The following PRORP variants were observed in gnomAD, a reference collection of about 807,000 sequenced individuals.
The protein encoded by PRORP is protein only RNase P catalytic subunit, also known as mitochondrial ribonuclease P catalytic subunit.
PRORP carries 51 observed loss-of-function variants against 59.4 expected under a neutral mutation model. The observed-to-expected ratio is 0.86, with a 90% CI of 0.69 to 1.08. The LOEUF (loss-of-function observed/expected upper bound fraction) is 1.08, where lower values mean the gene tolerates loss of function less well. PRORP is among the 50% of genes least tolerant of loss of function. The pLI is 0.00. For missense variants in PRORP, 646 were observed against 690.3 expected (o/e 0.94, Z 0.72); for synonymous variants, 231 against 245.6 (o/e 0.94, Z 0.55).
Position 35,185,064 on chromosome 14 carries a change from GTAGTTCTGCT to G in PRORP, c.1275+4289_1275+4298del, listed in dbSNP as rs1289447577. ...AGTAATGGGATTGCTGGGTTGAATG[GTAGTTCTGCT>G]TTTAGCACTTTGAGAAATTGCCATA... On this transcript the variant is annotated intron_variant, in intron 5 of 7. Transcript: ENST00000534898. Among the ~76,000 whole-genome samples the G allele has an allele frequency of 2.6e-5, 4 of 152,240 alleles. No individual in the cohort carries two copies. In the East Asian group the frequency reaches 7.7e-4, roughly 29 times the overall value.
intron 5 of PRORP, among the ~76,000 whole-genome samples, chr14:35,250,069 G>A (rs539757822): frequency 3.9e-5 from 6 of 151,936 alleles, no homozygotes; most frequent in East Asian, 3.9e-4. Flanking sequence ...ACAACATGGC[G>A]AAACCCTGTC....
At position 35,275,605 on chromosome 14, in the gene PRORP, A is replaced by T. The variant is rs1424758960; in HGVS notation, c.*2039A>T. The T allele has an allele frequency of 1.3e-5, 2 of 152,226 alleles. No individual in the cohort carries two copies. Among genetic ancestry groups the T allele is most frequent in the Non-Finnish European group, 2.9e-5 (2 of 68,038 alleles). The allele number at this position is 152,226 out of a possible 1,614,324, so 9.4% of individuals were successfully genotyped here. On this transcript the variant is annotated 3_prime_UTR_variant, in exon 8 of 8. Transcript: ENST00000534898. ...TTTAAGAAAAACATTTTAAGAAGAC[A>T]AAAAGTATTTATTAAGCCCATCTAA...
chr14:35,256,182 G>A (rs2050749701), intron 5 of PRORP, among the ~76,000 whole-genome samples: 1 of 149,656 alleles, frequency 6.7e-6, no homozygotes. Flanking sequence ...TGCTCGGGAG[G>A]CTGAGGCAGG....
rs145424814 is a variant in PRORP, at chr14:35,169,435, C to T, written c.1168-11235C>T. ...ACACTGCTATAAAGAACTGCCTGAGCGTGGGTAAATTTACAAAGAAAAGAG... is the reference window on the plus strand; with the variant it reads ...ACACTGCTATAAAGAACTGCCTGAGTGTGGGTAAATTTACAAAGAAAAGAG... On this transcript the variant is annotated intron_variant, in intron 4 of 7. Transcript: ENST00000534898. Among the ~76,000 whole-genome samples, 1,075 of 142,208 alleles carry T rather than the reference C, an allele frequency of 7.6e-3. 36 individuals are homozygous for T. The highest frequency in any genetic ancestry group is 0.06 in the Admixed American group (844 of 14,018). 93.3% of individuals were successfully genotyped at this position (142,208 alleles called of 152,430 possible).
At chr14:35,266,480 C>T (rs2051044198) in intron 5 of PRORP, among the ~76,000 whole-genome samples, 1 of 151,846 alleles carries the variant, frequency 6.6e-6, no homozygotes, top group Non-Finnish European at 1.5e-5. Flanking sequence ...AGATCCTGTC[C>T]CACACACAAA....
At chr14:35,252,592 A>G (rs1239073535) in intron 5 of PRORP, among the ~76,000 whole-genome samples, 4 of 152,158 alleles carry the variant, frequency 2.6e-5, no homozygotes, top group Non-Finnish European at 4.4e-5. Flanking sequence ...GTGGTCTCCA[A>G]CCATGACTGG....
intron 4 of PRORP, among the ~76,000 whole-genome samples, chr14:35,165,505 G>A (rs1566469663): frequency 6.6e-6 from 1 of 152,120 alleles, no homozygotes. Flanking sequence ...TTTCTTAATA[G>A]CATTGTGATC....
At chr14:35,145,840 T>C (rs2047596517) in intron 4 of PRORP, among the ~76,000 whole-genome samples, 1 of 147,750 alleles carries the variant, frequency 6.8e-6, no homozygotes, top group Non-Finnish European at 1.5e-5. Flanking sequence ...TATTTTTTTA[T>C]TTTTTGAGAC....
chr14:35,131,974 G>C (rs1432000441), intron 4 of PRORP, among the ~76,000 whole-genome samples: 3 of 151,684 alleles, frequency 2.0e-5, no homozygotes, highest in African/African-American at 7.3e-5. Flanking sequence ...CAAGTAGCTG[G>C]GATTACAGGC....
At chr14:35,131,297 G>T (rs918489633) in intron 4 of PRORP, among the ~76,000 whole-genome samples, 1 of 152,102 alleles carries the variant, frequency 6.6e-6, no homozygotes, top group Non-Finnish European at 1.5e-5. Flanking sequence ...GATAGGTCTG[G>T]TGTTGATGTA....
intron 5 of PRORP, among the ~76,000 whole-genome samples, chr14:35,205,873 A>G (rs1315776989): frequency 6.6e-6 from 1 of 151,882 alleles, no homozygotes; most frequent in Non-Finnish European, 1.5e-5. Context: ...GTCTTCCCTA[A>G]TCTCCATGCT....
intron 5 of PRORP, among the ~76,000 whole-genome samples, chr14:35,246,475 C>T (rs928741237): frequency 6.6e-6 from 1 of 152,140 alleles, no homozygotes; most frequent in Non-Finnish European, 1.5e-5. Context: ...AAGTCTTACT[C>T]CTTTACTTCC....
rs560621507 is a variant in PRORP at position 35,141,251 on chromosome 14, TTTTG to T, written c.1167+13652_1167+13655del. 4.9e-5 allele frequency among the ~76,000 whole-genome samples: 7 copies of T among 144,244 alleles called. 1 individual carries two copies. Among genetic ancestry groups the T allele is most frequent in the Non-Finnish European group, 1.1e-4 (7 of 65,052 alleles). The allele number at this position is 144,244 out of a possible 152,430, so 94.6% of individuals were successfully genotyped here. A position where few individuals can be genotyped will look rare whatever the true frequency, so the allele number is the denominator to read the frequency against. On this transcript the variant is annotated intron_variant, in intron 4 of 7. Coordinates refer to ENST00000534898, the MANE Select transcript of PRORP (RefSeq NM_014672.4). ...TCCTTCTTTTTCTTTTTTTTTTTGTTTTTGTTTGTTTGTTTTGTTTTGTTTTTTG... is the reference window on the plus strand; with the variant it reads ...TCCTTCTTTTTCTTTTTTTTTTTGTTTTTGTTTGTTTTGTTTTGTTTTTTG...
chr14:35,241,498 T>C (rs1385556601), intron 5 of PRORP, among the ~76,000 whole-genome samples: 1 of 152,210 alleles, frequency 6.6e-6, no homozygotes, highest in Non-Finnish European at 1.5e-5. Flanking sequence ...GACAGTCTGC[T>C]CTGGATTATT....
intron 5 of PRORP, among the ~76,000 whole-genome samples, chr14:35,200,422 C>T (rs898672988): frequency 6.6e-6 from 1 of 152,092 alleles, no homozygotes; most frequent in South Asian, 2.1e-4. Context: ...GAACTCCTGA[C>T]CTCGTGATCT....
At chr14:35,226,962 C>T (rs1455389971) in intron 5 of PRORP, among the ~76,000 whole-genome samples, 2 of 151,432 alleles carry the variant, frequency 1.3e-5, no homozygotes, top group African/African-American at 4.8e-5. Context: ...TCTTGAACTC[C>T]TAAGCTCAAG....
At chr14:35,129,964 T>C (rs539854815) in intron 4 of PRORP, among the ~76,000 whole-genome samples, 2 of 152,296 alleles carry the variant, frequency 1.3e-5, no homozygotes, top group South Asian at 2.1e-4. Context: ...TATATCTTAC[T>C]GTACTATCAA....
At chr14:35,194,481 A>G (rs954483923) in intron 5 of PRORP, among the ~76,000 whole-genome samples, 2 of 152,158 alleles carry the variant, frequency 1.3e-5, no homozygotes, top group African/African-American at 4.8e-5. Context: ...CAAGATGAAC[A>G]GTGAGAACAC....
At chr14:35,182,306 A>G (rs141209681) in intron 5 of PRORP, among the ~76,000 whole-genome samples, 9 of 152,210 alleles carry the variant, frequency 5.9e-5, no homozygotes, top group Admixed American at 2.6e-4. Flanking sequence ...ATATGTGACA[A>G]AGAGCAAATT....
Sources: gnomAD v4.1 joint callset for allele counts (sites outside exome capture counted in the v4.1 genomes callset) on GRCh38, gnomAD v4.1.1 for gene constraint, MANE v1.5 for transcripts, NCBI Gene and HGNC (gene_info 2026-07-23, HGNC 2026-07-21) for gene names.